PLCB1: variants seen among roughly 807,000 people sequenced by gnomAD.
The protein encoded by PLCB1 is phospholipase C beta 1, also known as 1-phosphatidylinositol 4,5-bisphosphate phosphodiesterase beta-1.
In PLCB1, 46 loss-of-function variants were observed where a neutral mutation model predicts 161.8. The ratio of observed to expected loss-of-function variants is 0.28; its 90% CI spans 0.22 to 0.36. The LOEUF (loss-of-function observed/expected upper bound fraction) is 0.36, where lower values mean the gene tolerates loss of function less well. Among genes scored for constraint, PLCB1 ranks in the 10% least tolerant of loss-of-function variants. The pLI, the probability that PLCB1 is intolerant of heterozygous loss-of-function variation, is 1.00. For synonymous variants in PLCB1, 517 were observed against 503.7 expected (o/e 1.03, Z -0.35); for missense variants, 1,016 against 1,472.5 (o/e 0.69, Z 5.07).
intron 23 of PLCB1, among the ~76,000 whole-genome samples, chr20:8,745,511 C>T (rs540270191): frequency 6.6e-6 from 1 of 151,604 alleles, no homozygotes; most frequent in African/African-American, 2.4e-5. Context: ...ATTTATAAAC[C>T]AAATAGATAA....
chr20:8,371,754 A>G, intron 3 of PLCB1: 1 of 268,946 alleles, frequency 3.7e-6, no homozygotes, highest in Non-Finnish European at 7.0e-6. Flanking sequence ...ACTTGAAATT[A>G]TTTGAAAAAA....
At chr20:8,579,539 T>G (rs1043338650) in intron 3 of PLCB1, among the ~76,000 whole-genome samples, 9 of 152,230 alleles carry the variant, frequency 5.9e-5, no homozygotes, top group African/African-American at 1.9e-4. Context: ...TGATACACCT[T>G]GATTTCTCAA....
In PLCB1 at chr20:8,178,435, A is replaced by G. The variant is rs146015051; in HGVS notation, c.177+28064A>G. Reference sequence around the variant, plus strand: ...TTTTTCATGTGCTTGTTGGTCATGTATTTGTCTTCTGTTGAAAAGTCTCTG... The same window carrying G: ...TTTTTCATGTGCTTGTTGGTCATGTGTTTGTCTTCTGTTGAAAAGTCTCTG... On this transcript the variant is annotated intron_variant, in intron 2 of 31. Coordinates refer to ENST00000338037, the MANE Select transcript of PLCB1 (RefSeq NM_015192.4). Among the ~76,000 whole-genome samples the G allele has an allele frequency of 6.6e-3, 1,008 of 152,136 alleles. 9 individuals carry two copies. Among genetic ancestry groups the G allele is most frequent in the Admixed American group, 0.011 (166 of 15,290 alleles).
chr20:8,669,439 G>C (rs1989892367), intron 9 of PLCB1, among the ~76,000 whole-genome samples: 1 of 152,174 alleles, frequency 6.6e-6, no homozygotes, highest in Non-Finnish European at 1.5e-5. Flanking sequence ...CATTTGACTT[G>C]TTATACTGTT....
intron 16 of PLCB1, 37 bp downstream of exon 16, chr20:8,724,789 T>C: frequency 9.4e-7 from 1 of 1,062,036 alleles, no homozygotes; most frequent in Non-Finnish European, 1.5e-6. Context: ...TCTTGCAGCA[T>C]ATAATGATTA....
chr20:8,629,847 TTC>T (rs1910420747), intron 4 of PLCB1, among the ~76,000 whole-genome samples: 1 of 97,712 alleles, frequency 1.0e-5, no homozygotes, highest in Non-Finnish European at 2.0e-5. Flanking sequence ...CTTTCTTTCT[TTC>T]TTTCTTTCTT....
intron 31 of PLCB1, among the ~76,000 whole-genome samples, chr20:8,825,461 C>A (rs1366464582): frequency 1.3e-5 from 2 of 151,494 alleles, no homozygotes; most frequent in Non-Finnish European, 3.0e-5. Context: ...TGAAGAGAAA[C>A]CCTTTCAGAT....
chr20:8,312,490 CA>C (rs1984452410), intron 2 of PLCB1, among the ~76,000 whole-genome samples: 1 of 152,112 alleles, frequency 6.6e-6, no homozygotes, highest in Non-Finnish European at 1.5e-5. Context: ...GAAGAAATTA[CA>C]CCTGGATATT....
intron 1 of PLCB1, among the ~76,000 whole-genome samples, chr20:8,136,551 G>A (rs967052639): frequency 3.7e-4 from 56 of 151,900 alleles, no homozygotes; most frequent in Admixed American, 1.4e-3. Flanking sequence ...GCGTGAACCT[G>A]GGAGGCGGAG....
chr20:8,628,488 C>T, intron 4 of PLCB1, 57 bp downstream of exon 4: 1 of 1,559,078 alleles, frequency 6.4e-7, no homozygotes, highest in Non-Finnish European at 8.8e-7. Flanking sequence ...CTTGAGCTAT[C>T]ATACTAATGC....
At chr20:8,201,795 A>G (rs2052093738) in intron 2 of PLCB1, among the ~76,000 whole-genome samples, 1 of 152,250 alleles carries the variant, frequency 6.6e-6, no homozygotes, top group Non-Finnish European at 1.5e-5. Context: ...CAATGATGCT[A>G]TCAGTGACAT....
intron 2 of PLCB1, among the ~76,000 whole-genome samples, chr20:8,180,833 A>G (rs545707546): frequency 1.3e-5 from 2 of 152,126 alleles, no homozygotes; most frequent in African/African-American, 4.8e-5. Context: ...AACCCTTAAA[A>G]CTCATGCTAT....
At chr20:8,278,925 C>T (rs1333030751) in intron 2 of PLCB1, among the ~76,000 whole-genome samples, 4 of 151,314 alleles carry the variant, frequency 2.6e-5, no homozygotes, top group African/African-American at 4.9e-5. Context: ...CCAGAAATAA[C>T]CTAAATTAAA....
At position 8,164,157 on chromosome 20, in the gene PLCB1, G is replaced by T. The variant is rs529706383; in HGVS notation, c.177+13786G>T. On this transcript the variant is annotated intron_variant, in intron 2 of 31. Coordinates refer to ENST00000338037, the MANE Select transcript of PLCB1 (RefSeq NM_015192.4). ...GTGACTTTCAGGTGTCATTTTGCTA[G>T]GTAAGATTTATAAATATGAGTCCTT... is the stretch of plus-strand genomic sequence containing the variant. Among the ~76,000 whole-genome samples, 4 of 152,272 alleles carry T rather than the reference G, an allele frequency of 2.6e-5. No individual in the cohort carries two copies. In the East Asian group the frequency reaches 7.7e-4, roughly 29 times the overall value.
At chr20:8,256,242 C>A (rs1981407653) in intron 2 of PLCB1, among the ~76,000 whole-genome samples, 1 of 152,078 alleles carries the variant, frequency 6.6e-6, no homozygotes, top group Non-Finnish European at 1.5e-5. Context: ...TCAACAACAA[C>A]CATTTACTTA....
At chr20:8,354,419 A>G (rs933474947) in intron 2 of PLCB1, among the ~76,000 whole-genome samples, 2 of 152,174 alleles carry the variant, frequency 1.3e-5, no homozygotes, top group African/African-American at 2.4e-5. Context: ...TTCCATTACT[A>G]GAACACCAGG....
At chr20:8,461,266 T>A (rs1034306799) in intron 3 of PLCB1, among the ~76,000 whole-genome samples, 1 of 152,142 alleles carries the variant, frequency 6.6e-6, no homozygotes, top group African/African-American at 2.4e-5. Flanking sequence ...ACATTCCTAT[T>A]AAGAGGTCTA....
At chr20:8,625,654 T>C (rs1228043556) in intron 3 of PLCB1, among the ~76,000 whole-genome samples, 2 of 152,212 alleles carry the variant, frequency 1.3e-5, no homozygotes, top group East Asian at 3.8e-4. Flanking sequence ...AATATTGTGG[T>C]TTCTTCTGAG....
chr20:8,165,606 C>T (rs1340967811), intron 2 of PLCB1, among the ~76,000 whole-genome samples: 1 of 152,140 alleles, frequency 6.6e-6, no homozygotes, highest in African/African-American at 2.4e-5. Context: ...GACTTTACCT[C>T]ATTTGTTTGG....
Sources: allele counts gnomAD v4.1 joint callset (sites outside exome capture counted in the v4.1 genomes callset), GRCh38; gene constraint gnomAD v4.1.1; transcripts MANE v1.5; gene names NCBI Gene and HGNC (gene_info 2026-07-23, HGNC 2026-07-21).